The following FHIP1A variants were observed in gnomAD, a reference collection of about 807,000 sequenced individuals.
The protein encoded by FHIP1A is FHF complex subunit HOOK-interacting protein 1A.
In FHIP1A, 61 loss-of-function variants were observed where a neutral mutation model predicts 88.6. The observed-to-expected ratio is 0.69, with a 90% CI of 0.56 to 0.85. The LOEUF is 0.85. Among genes scored for constraint, FHIP1A ranks in the 40% least tolerant of loss-of-function variants. The probability of loss-of-function intolerance (pLI) is 0.00; values close to 1 mark genes in which losing one functional copy is unlikely to be tolerated. For synonymous variants in FHIP1A, 478 were observed against 496.0 expected, an observed-to-expected ratio of 0.96 and a Z score of 0.48; for missense variants, 1,154 against 1,273.5, an observed-to-expected ratio of 0.91 and a Z score of 1.43.
At chr4:151,487,342 C>T (rs900703233) in intron 3 of FHIP1A, among the ~76,000 whole-genome samples, 2 of 151,846 alleles carry the variant, frequency 1.3e-5, no homozygotes, top group African/African-American at 4.8e-5. Flanking sequence ...TCTGTTCATC[C>T]CTTGGATTTA....
At chr4:151,428,764 G>T (rs1156361124) in intron 1 of FHIP1A, among the ~76,000 whole-genome samples, 1 of 151,568 alleles carries the variant, frequency 6.6e-6, no homozygotes, top group African/African-American at 2.4e-5. Flanking sequence ...TTCTTTTAAT[G>T]TGTTTTTCTC....
At chr4:151,556,150 A>G (rs1331680925) in intron 3 of FHIP1A, among the ~76,000 whole-genome samples, 3 of 152,128 alleles carry the variant, frequency 2.0e-5, no homozygotes, top group Non-Finnish European at 4.4e-5. Context: ...TCAGAACTAA[A>G]CATGGTCAGA....
intron 9 of FHIP1A, among the ~76,000 whole-genome samples, chr4:151,646,249 G>A (rs1736786446): frequency 6.6e-6 from 1 of 152,230 alleles, no homozygotes; most frequent in Non-Finnish European, 1.5e-5. Context: ...GAGAAAAGGG[G>A]AAAGCACAGG....
intron 1 of FHIP1A, among the ~76,000 whole-genome samples, chr4:151,434,614 A>AT (rs35187714): frequency 6.6e-6 from 1 of 151,898 alleles, no homozygotes; most frequent in Non-Finnish European, 1.5e-5. Context: ...TAAGAATTGG[A>AT]TTTTTTTTCC....
intron 3 of FHIP1A, among the ~76,000 whole-genome samples, chr4:151,533,401 C>T (rs72728161): frequency 0.017 from 2,474 of 147,690 alleles, 23 homozygotes; most frequent in Non-Finnish European, 0.026. Flanking sequence ...GGAAACAGAT[C>T]GAGGCCCTGT....
chr4:151,535,993 T>C (rs1198687447), intron 3 of FHIP1A, among the ~76,000 whole-genome samples: 1 of 152,260 alleles, frequency 6.6e-6, no homozygotes. Context: ...GATAAAAGGT[T>C]ATGTGAGTTT....
At chr4:151,550,162 A>G (rs1053829334) in intron 3 of FHIP1A, among the ~76,000 whole-genome samples, 1 of 152,240 alleles carries the variant, frequency 6.6e-6, no homozygotes, top group Middle Eastern at 3.4e-3. Flanking sequence ...GTTTTGTTAC[A>G]GGCATGCAAT....
intron 3 of FHIP1A, among the ~76,000 whole-genome samples, chr4:151,542,508 TTCTCTC>T (rs747148352): frequency 6.6e-6 from 1 of 151,920 alleles, no homozygotes; most frequent in African/African-American, 2.4e-5. Flanking sequence ...ACCTGCAGTA[TTCTCTC>T]TCTCTCTCAA....
At chr4:151,542,293 A>G (rs1398754022) in intron 3 of FHIP1A, among the ~76,000 whole-genome samples, 1 of 152,168 alleles carries the variant, frequency 6.6e-6, no homozygotes, top group African/African-American at 2.4e-5. Context: ...ACATTTAAGG[A>G]AATCAAAATA....
At chr4:151,412,667 C>T (rs1732711442) in intron 1 of FHIP1A, among the ~76,000 whole-genome samples, 1 of 101,830 alleles carries the variant, frequency 9.8e-6, no homozygotes. Flanking sequence ...TTCTTTCTTT[C>T]TCTCTCTCTC....
intron 3 of FHIP1A, among the ~76,000 whole-genome samples, chr4:151,554,181 AGAATT>A (rs1433647324): frequency 6.6e-6 from 1 of 152,140 alleles, no homozygotes. Flanking sequence ...GGTGGTTGTA[AGAATT>A]GAATAGACAA....
In FHIP1A at chr4:151,662,638, C is replaced by A. The variant is rs541957794; in HGVS notation, c.3007C>A (p.Pro1003Thr). 6.4e-7 allele frequency: 1 copy of A among 1,551,658 alleles called. No individual in the cohort carries two copies. The highest frequency in any genetic ancestry group is 8.7e-7 in the Non-Finnish European group (1 of 1,146,988). The change falls in exon 14 of 14, where the codon CCC (proline) becomes ACC (threonine). Residue 1003 changes from proline to threonine, a missense_variant. Transcript: ENST00000435205. ...PPNLPLPVRN[P>T]MLAAALFPEF... ...CAACCTGCCCCTGCCGGTGAGGAAC[C>A]CCATGCTGGCTGCTGCCCTCTTCCC... is the stretch of plus-strand genomic sequence containing the variant.
intron 1 of FHIP1A, among the ~76,000 whole-genome samples, chr4:151,439,390 C>A (rs1728324255): frequency 6.6e-6 from 1 of 151,794 alleles, no homozygotes. Context: ...TATTATGTGG[C>A]TTAAGCCATT....
At position 151,669,235 on chromosome 4, in the gene FHIP1A, G is replaced by C. The variant is rs1379181531; in HGVS notation, c.*6481G>C. ...TCAACTTACAAGGTTTGGCTTTCAG[G>C]ATTTCAGAAGCTGGCATTCAAGACA... On this transcript the variant is annotated 3_prime_UTR_variant, in exon 14 of 14. Coordinates refer to ENST00000435205, the MANE Select transcript of FHIP1A (RefSeq NM_001109977.3). Among the ~76,000 whole-genome samples the C allele has an allele frequency of 6.6e-6, 1 of 152,204 alleles. No individual in the cohort carries two copies. Among genetic ancestry groups the C allele is most frequent in the East Asian group, 1.9e-4 (1 of 5,200 alleles).
intron 1 of FHIP1A, among the ~76,000 whole-genome samples, chr4:151,431,734 C>T (rs1169215690): frequency 1.3e-5 from 2 of 152,102 alleles, no homozygotes; most frequent in Non-Finnish European, 2.9e-5. Context: ...AATAATGACC[C>T]ATTCAAGTTC....
intron 1 of FHIP1A, among the ~76,000 whole-genome samples, chr4:151,416,722 CTT>C (rs1386794930): frequency 2.6e-5 from 4 of 151,822 alleles, no homozygotes; most frequent in Admixed American, 2.0e-4. Flanking sequence ...ACACGGGAAA[CTT>C]ATAGTTTGTA....
In FHIP1A at chr4:151,448,455, G is replaced by A. The variant is rs547416641; in HGVS notation, c.-355-6246G>A. ...AATCTGAAACTCTACCCATTAAACA[G>A]TAATTCCCCATTATCCCCCTTGGCC... On this transcript the variant is annotated intron_variant, in intron 1 of 13. Coordinates refer to ENST00000435205, the MANE Select transcript of FHIP1A (RefSeq NM_001109977.3). Among the ~76,000 whole-genome samples the A allele has an allele frequency of 4.6e-5, 7 of 152,214 alleles. No homozygotes were observed. The East Asian group carries it at 5.8e-4, about 13-fold the overall frequency.
chr4:151,511,648 C>T (rs975258103), intron 3 of FHIP1A, among the ~76,000 whole-genome samples: 42 of 152,336 alleles, frequency 2.8e-4, no homozygotes, highest in Non-Finnish European at 1.0e-4. Flanking sequence ...GCACATGGCT[C>T]GGAGAGTCCT....
intron 3 of FHIP1A, among the ~76,000 whole-genome samples, chr4:151,506,349 T>C (rs1240844706): frequency 6.6e-6 from 1 of 152,230 alleles, no homozygotes; most frequent in East Asian, 1.9e-4. Context: ...GTATTTTCAC[T>C]AAATGAAAAG....
Sources: allele counts gnomAD v4.1 joint callset (sites outside exome capture counted in the v4.1 genomes callset), GRCh38; gene constraint gnomAD v4.1.1; transcripts MANE v1.5; gene names NCBI Gene and HGNC (gene_info 2026-07-23, HGNC 2026-07-21).